TTC28: variants seen among roughly 807,000 people sequenced by gnomAD.
TTC28 encodes the protein tetratricopeptide repeat protein 28.
In TTC28, 61 loss-of-function variants were observed where a neutral mutation model predicts 198.0. That is an observed-to-expected ratio of 0.31 (90% CI 0.25 to 0.38). The LOEUF is 0.38. Among genes scored for constraint, TTC28 ranks in the 10% least tolerant of loss-of-function variants. TTC28 has a pLI of 1.00. For missense variants in TTC28, 2,678 were observed against 3,164.0 expected (o/e 0.85, Z 3.69); for synonymous variants, 1,171 against 1,297.8 (o/e 0.90, Z 2.10).
chr22:28,466,275 A>G (rs773669873), intron 2 of TTC28, among the ~76,000 whole-genome samples: 75 of 152,218 alleles, frequency 4.9e-4, no homozygotes, highest in Admixed American at 1.0e-3. Flanking sequence ...GAAATGCCAG[A>G]AAATACAGGA....
Position 28,163,225 on chromosome 22 carries a change from G to A in TTC28, c.1308C>T (p.Ala436=), listed in dbSNP as rs368208909. The A allele has an allele frequency of 7.1e-6, 11 of 1,551,638 alleles. No homozygotes were observed. The highest frequency in any genetic ancestry group is 9.6e-6 in the Non-Finnish European group (11 of 1,147,030). ...ELMEKAIEMR[A]YAGLGHAARC... is the part of the protein sequence containing the mutation. Reference sequence around the variant, plus strand: ...TGGCAGCATGGCCTAGTCCAGCATAGGCCCGCATCTCAATAGCCTTCTCCA... The same window carrying A: ...TGGCAGCATGGCCTAGTCCAGCATAAGCCCGCATCTCAATAGCCTTCTCCA... Residue 436 remains alanine (A), a synonymous_variant, in exon 6 of 23, where the codon GCC becomes GCT. Coordinates refer to ENST00000397906, the MANE Select transcript of TTC28 (RefSeq NM_001145418.2).
intron 2 of TTC28, among the ~76,000 whole-genome samples, chr22:28,583,854 C>T (rs1357642010): frequency 6.6e-6 from 1 of 151,896 alleles, no homozygotes; most frequent in Non-Finnish European, 1.5e-5. Context: ...TCTTTTAAAC[C>T]CAAAAAAGCA....
chr22:28,201,818 A>G (rs970337998), intron 5 of TTC28, among the ~76,000 whole-genome samples: 3 of 151,438 alleles, frequency 2.0e-5, no homozygotes, highest in East Asian at 1.9e-4. Context: ...GAGGCCATTT[A>G]TGAGGACTAG....
At chr22:28,394,930 C>G (rs756540955) in intron 2 of TTC28, among the ~76,000 whole-genome samples, 12 of 152,146 alleles carry the variant, frequency 7.9e-5, no homozygotes, top group Admixed American at 1.3e-4. Flanking sequence ...ACTATGTGCT[C>G]CAGAACACAC....
At position 27,979,451 on chromosome 22, in the gene TTC28, T is replaced by C. The variant is rs1936944665; in HGVS notation, c.*2770A>G. 1.4e-5 allele frequency: 2 copies of C among 144,550 alleles called. No individual in the cohort carries two copies. The highest frequency in any genetic ancestry group is 4.4e-4 in the South Asian group (2 of 4,526). The allele number at this position is 144,550 out of a possible 1,614,324, so 9.0% of individuals were successfully genotyped here. A position where few individuals can be genotyped will look rare whatever the true frequency, so the allele number is the denominator to read the frequency against. ...GCCAAAATCGCACCAGTGCACTCTA[T>C]CCTGGGTGACAGAGCGAGACTCTGT... On this transcript the variant is annotated 3_prime_UTR_variant, in exon 23 of 23. Coordinates refer to ENST00000397906, the MANE Select transcript of TTC28 (RefSeq NM_001145418.2).
chr22:28,657,921 G>C (rs1212891934), intron 1 of TTC28, among the ~76,000 whole-genome samples: 1 of 151,926 alleles, frequency 6.6e-6, no homozygotes, highest in Non-Finnish European at 1.5e-5. Context: ...AAATATGCTG[G>C]GGTTGAAAAT....
chr22:28,219,085 C>A (rs771162201), intron 5 of TTC28, among the ~76,000 whole-genome samples: 2 of 152,074 alleles, frequency 1.3e-5, no homozygotes, highest in Non-Finnish European at 2.9e-5. Flanking sequence ...CCACTGATGT[C>A]ATGGAAAGAC....
chr22:28,465,529 C>A (rs920807414), intron 2 of TTC28, among the ~76,000 whole-genome samples: 2 of 151,872 alleles, frequency 1.3e-5, no homozygotes, highest in Non-Finnish European at 2.9e-5. Flanking sequence ...GAGGCTGAAG[C>A]AGGAGAATCG....
At chr22:28,504,811 A>G (rs893108867) in intron 2 of TTC28, among the ~76,000 whole-genome samples, 1 of 152,172 alleles carries the variant, frequency 6.6e-6, no homozygotes, top group Non-Finnish European at 1.5e-5. Context: ...ATCCAGTGGG[A>G]GTGGGTACAG....
chr22:28,383,906 A>G (rs1358563994), intron 2 of TTC28, among the ~76,000 whole-genome samples: 2 of 152,222 alleles, frequency 1.3e-5, no homozygotes, highest in Non-Finnish European at 2.9e-5. Flanking sequence ...CTATTAGAGT[A>G]AAATCTAAAG....
intron 2 of TTC28, among the ~76,000 whole-genome samples, chr22:28,402,211 C>A (rs1170650237): frequency 6.6e-6 from 1 of 152,164 alleles, no homozygotes; most frequent in African/African-American, 2.4e-5. Context: ...CATGGTAGGC[C>A]TAGGAGAACA....
chr22:28,001,520 G>C lies in TTC28; in HGVS notation c.4252C>G (p.His1418Asp), dbSNP rs2146549010. The C allele has an allele frequency of 6.4e-7, 1 of 1,551,296 alleles. No homozygotes were observed. The highest frequency in any genetic ancestry group is 2.4e-5 in the East Asian group (1 of 40,918). ...LMHSSGPVGR[H>D]RQLILVLEGE... ...TCCAGAACCAGGATGAGCTGCCGGT[G>C]CCGGCCCACGGGGCCGCTGGAGTGC... Residue 1418 changes from histidine (H) to aspartate (D), a missense_variant, in exon 15 of 23, where the codon CAC (histidine) becomes GAC (aspartate). Physicochemically the swap from His to Asp is moderately conservative, Grantham distance 81. Coordinates refer to ENST00000397906, the MANE Select transcript of TTC28 (RefSeq NM_001145418.2).
chr22:28,214,205 C>T (rs1429981020), intron 5 of TTC28, among the ~76,000 whole-genome samples: 4 of 152,156 alleles, frequency 2.6e-5, no homozygotes, highest in Non-Finnish European at 5.9e-5. Flanking sequence ...CAATACCATT[C>T]AGGACATAGG....
intron 2 of TTC28, among the ~76,000 whole-genome samples, chr22:28,517,652 G>T (rs564178638): frequency 6.6e-6 from 1 of 152,172 alleles, no homozygotes; most frequent in Non-Finnish European, 1.5e-5. Context: ...GCTACAGAAT[G>T]TCTCAGTCTT....
chr22:28,312,192 T>C lies in TTC28; in HGVS notation c.382-5549A>G, dbSNP rs2045272317. On this transcript the variant is annotated intron_variant, in intron 2 of 22. Transcript: ENST00000397906. ...ATCCTAAATATATATGCAACCAATA[T>C]AGGAGCACCCAGATTCATAAAGCAA... 5.3e-5 allele frequency among the ~76,000 whole-genome samples: 8 copies of C among 151,930 alleles called. No homozygotes were observed. The South Asian group carries it at 1.7e-3, about 32-fold the overall frequency.
intron 5 of TTC28, among the ~76,000 whole-genome samples, chr22:28,171,063 T>TA (rs540466109): frequency 1.8e-4 from 27 of 151,940 alleles, no homozygotes; most frequent in African/African-American, 6.5e-4. Flanking sequence ...AAACTGACTC[T>TA]ATGCTGGTGT....
At chr22:28,139,133 A>G (rs1601371029) in intron 6 of TTC28, among the ~76,000 whole-genome samples, 1 of 152,196 alleles carries the variant, frequency 6.6e-6, no homozygotes, top group African/African-American at 2.4e-5. Flanking sequence ...AAACACATTT[A>G]ATGATGCCTT....
At chr22:28,227,793 T>C (rs1042221502) in intron 5 of TTC28, among the ~76,000 whole-genome samples, 9 of 151,974 alleles carry the variant, frequency 5.9e-5, no homozygotes, top group Admixed American at 1.3e-4. Context: ...ACAACCATTG[T>C]AAAAAACAGT....
intron 2 of TTC28, among the ~76,000 whole-genome samples, chr22:28,613,017 C>T (rs1459190014): frequency 2.6e-5 from 4 of 151,996 alleles, no homozygotes; most frequent in Non-Finnish European, 5.9e-5. Context: ...ACATGAAAAA[C>T]CCTTCAAAAA....
Sources: allele counts gnomAD v4.1 joint callset (sites outside exome capture counted in the v4.1 genomes callset), GRCh38; gene constraint gnomAD v4.1.1; transcripts MANE v1.5; gene names NCBI Gene and HGNC (gene_info 2026-07-23, HGNC 2026-07-21).